WWOX: variants seen among roughly 807,000 people sequenced by gnomAD.
WWOX encodes WW domain containing oxidoreductase, also known as WW domain-containing oxidoreductase.
In WWOX, 69 loss-of-function variants were observed where a neutral mutation model predicts 46.2. The ratio of observed to expected loss-of-function variants is 1.49; its 90% CI spans 1.23 to 1.82. WWOX has a LOEUF of 1.82. WWOX is among the 40% of genes most tolerant of loss of function. The pLI is 0.00. For synonymous variants in WWOX, 359 were observed against 202.6 expected (o/e 1.77, Z -6.56); for missense variants, 919 against 542.6 (o/e 1.69, Z -6.89).
intron 8 of WWOX, among the ~76,000 whole-genome samples, chr16:78,873,792 G>A (rs140469030): frequency 6.6e-6 from 1 of 152,012 alleles, no homozygotes; most frequent in Non-Finnish European, 1.5e-5. Context: ...GCCTCAAAAA[G>A]TAAATAAAAT....
intron 8 of WWOX, among the ~76,000 whole-genome samples, chr16:79,032,683 C>T (rs866835847): frequency 6.7e-5 from 10 of 148,560 alleles, no homozygotes; most frequent in Middle Eastern, 3.6e-3. Context: ...TATATATATA[C>T]ACACACACAC....
At chr16:78,308,773 TC>T (rs1332156985) in intron 5 of WWOX, among the ~76,000 whole-genome samples, 1 of 152,172 alleles carries the variant, frequency 6.6e-6, no homozygotes, top group Non-Finnish European at 1.5e-5. Context: ...AGAACCTTGG[TC>T]TTTTTGTGGA....
intron 8 of WWOX, among the ~76,000 whole-genome samples, chr16:78,577,748 C>G (rs1286436036): frequency 2.0e-5 from 3 of 152,200 alleles, no homozygotes; most frequent in Non-Finnish European, 4.4e-5. Context: ...ATCTTCCTAG[C>G]AGTCTTGCGG....
intron 8 of WWOX, among the ~76,000 whole-genome samples, chr16:79,188,407 A>G (rs2051062928): frequency 6.6e-6 from 1 of 152,186 alleles, no homozygotes; most frequent in African/African-American, 2.4e-5. Flanking sequence ...GTGTTACTAA[A>G]GTTCTCTTAG....
intron 8 of WWOX, among the ~76,000 whole-genome samples, chr16:78,517,121 A>G (rs1465984044): frequency 6.6e-6 from 1 of 152,252 alleles, no homozygotes; most frequent in Non-Finnish European, 1.5e-5. Flanking sequence ...TCCTTCAAAT[A>G]TGAAGCAGGT....
chr16:78,998,319 A>G (rs766020555), intron 8 of WWOX, among the ~76,000 whole-genome samples: 8 of 152,010 alleles, frequency 5.3e-5, no homozygotes, highest in Non-Finnish European at 1.2e-4. Flanking sequence ...TCCCTTCTCC[A>G]CTGGGCTCTG....
At chr16:78,818,170 C>T (rs560980472) in intron 8 of WWOX, among the ~76,000 whole-genome samples, 53 of 152,274 alleles carry the variant, frequency 3.5e-4, no homozygotes, top group African/African-American at 1.1e-3. Flanking sequence ...TGTGCCCTTG[C>T]AGAAGGTAGT....
At chr16:78,490,801 A>C (rs2084763988) in intron 8 of WWOX, among the ~76,000 whole-genome samples, 1 of 152,194 alleles carries the variant, frequency 6.6e-6, no homozygotes, top group Non-Finnish European at 1.5e-5. Flanking sequence ...TCTCTTCCCC[A>C]GGCAGAGCAG....
intron 8 of WWOX, among the ~76,000 whole-genome samples, chr16:78,927,890 C>G (rs921953944): frequency 5.3e-5 from 8 of 151,868 alleles, no homozygotes; most frequent in African/African-American, 1.9e-4. Flanking sequence ...ATTCTTTTAC[C>G]CAGACACTTA....
intron 1 of WWOX, among the ~76,000 whole-genome samples, chr16:78,104,796 A>T (rs190135097): frequency 6.6e-6 from 1 of 152,368 alleles, no homozygotes; most frequent in Admixed American, 6.5e-5. Context: ...AAAGTCTTCT[A>T]TTGAAAGGTA....
chr16:78,450,231 T>G (rs1207413978), intron 8 of WWOX, among the ~76,000 whole-genome samples: 1 of 152,178 alleles, frequency 6.6e-6, no homozygotes, highest in Non-Finnish European at 1.5e-5. Context: ...TGTGTAGAAT[T>G]TGAACCACTT....
intron 8 of WWOX, chr16:78,757,045 G>T: frequency 1.4e-6 from 1 of 702,794 alleles, no homozygotes; most frequent in South Asian, 1.5e-5. Flanking sequence ...AGTTGATTCT[G>T]CAGCCCTAGT....
At chr16:78,339,276 CT>C (rs1176171315) in intron 5 of WWOX, among the ~76,000 whole-genome samples, 1 of 113,102 alleles carries the variant, frequency 8.8e-6, no homozygotes, top group East Asian at 2.0e-4. Context: ...TAATACTCAT[CT>C]TTTTTTAGAA....
intron 8 of WWOX, among the ~76,000 whole-genome samples, chr16:79,117,030 A>G (rs1009637976): frequency 6.1e-5 from 9 of 148,644 alleles, no homozygotes; most frequent in African/African-American, 2.2e-4. Flanking sequence ...TACATTGTCA[A>G]CAAGTGGAAT....
intron 8 of WWOX, among the ~76,000 whole-genome samples, chr16:78,822,269 G>C (rs1437959211): frequency 6.6e-6 from 1 of 152,148 alleles, no homozygotes; most frequent in Non-Finnish European, 1.5e-5. Context: ...CAAGGTGGGT[G>C]GGTCATCTGA....
Position 79,049,564 on chromosome 16 carries a change from G to A in WWOX, c.1057-162044G>A, listed in dbSNP as rs1030860044. Among the ~76,000 whole-genome samples, 42 of 152,160 alleles carry A rather than the reference G, an allele frequency of 2.8e-4. 1 individual carries two copies. The highest frequency in any genetic ancestry group is 1.9e-4 in the East Asian group (1 of 5,184). On this transcript the variant is annotated intron_variant, in intron 8 of 8. Transcript: ENST00000566780. ...TAAGACTGCATCTGAGTGGCAGGGC[G>A]CAGTAGCTGACCCTTGTAATCCCAG...
intron 1 of WWOX, among the ~76,000 whole-genome samples, chr16:78,104,780 T>TA (rs200389262): frequency 0.01 from 1,530 of 152,156 alleles, 28 homozygotes; most frequent in African/African-American, 0.034. Context: ...TTATATTTAT[T>TA]AAAAAAAAGT....
At chr16:78,584,724 G>T (rs541555005) in intron 8 of WWOX, among the ~76,000 whole-genome samples, 3 of 152,326 alleles carry the variant, frequency 2.0e-5, no homozygotes, top group African/African-American at 4.8e-5. Flanking sequence ...AGCTTACCAG[G>T]GGGTGGTGAT....
At chr16:78,321,414 ATG>A (rs1261949056) in intron 5 of WWOX, among the ~76,000 whole-genome samples, 5 of 134,206 alleles carry the variant, frequency 3.7e-5, no homozygotes, top group Non-Finnish European at 6.2e-5. Context: ...GTATATATAT[ATG>A]TGTGTATATA....
Sources: allele counts gnomAD v4.1 joint callset (sites outside exome capture counted in the v4.1 genomes callset), GRCh38; gene constraint gnomAD v4.1.1; transcripts MANE v1.5; gene names NCBI Gene and HGNC (gene_info 2026-07-23, HGNC 2026-07-21).